The following STK32B variants were observed in gnomAD, a reference collection of about 807,000 sequenced individuals.
The protein encoded by STK32B is serine/threonine-protein kinase 32B.
A neutral mutation model predicts 52.6 loss-of-function variants in STK32B; 43 were observed. That is an observed-to-expected ratio of 0.82 (90% confidence interval 0.64 to 1.05). The LOEUF is 1.05. STK32B is among the 50% of genes least tolerant of loss of function. The pLI is 0.00. For missense variants in STK32B, 621 were observed against 534.6 expected, an observed-to-expected ratio of 1.16 and a Z score of -1.59; for synonymous variants, 238 against 204.3, an observed-to-expected ratio of 1.17 and a Z score of -1.41.
At chr4:5,111,547 A>C (rs1714406563) in intron 1 of STK32B, among the ~76,000 whole-genome samples, 1 of 152,148 alleles carries the variant, frequency 6.6e-6, no homozygotes, top group Non-Finnish European at 1.5e-5. Context: ...CTCACTTATA[A>C]GTGGGAGCTA....
At chr4:5,491,405 A>G (rs1195011284) in intron 11 of STK32B, among the ~76,000 whole-genome samples, 4 of 152,136 alleles carry the variant, frequency 2.6e-5, no homozygotes, top group South Asian at 2.1e-4. Flanking sequence ...CATGTCCTTC[A>G]CCCACTTTTT....
chr4:5,379,324 G>A (rs982771), intron 4 of STK32B, among the ~76,000 whole-genome samples: 54,333 of 151,876 alleles, frequency 0.36, 11,895 homozygotes, highest in African/African-American at 0.62. Flanking sequence ...ACACTCTCCA[G>A]CAGCCTTGTC....
chr4:5,130,171 C>CG (rs1491205357), intron 1 of STK32B, among the ~76,000 whole-genome samples: 4 of 149,738 alleles, frequency 2.7e-5, no homozygotes, highest in African/African-American at 7.6e-5. Flanking sequence ...CCTTCTCCGG[C>CG]GGGGGGAGGC....
At chr4:5,297,662 T>A (rs1729294142) in intron 3 of STK32B, among the ~76,000 whole-genome samples, 3 of 151,780 alleles carry the variant, frequency 2.0e-5, no homozygotes, top group Non-Finnish European at 2.9e-5. Flanking sequence ...TAACTGGTTA[T>A]TCTAGTTAGC....
intron 11 of STK32B, among the ~76,000 whole-genome samples, chr4:5,492,717 A>G (rs1719849629): frequency 6.6e-6 from 1 of 151,296 alleles, no homozygotes; most frequent in Non-Finnish European, 1.5e-5. Context: ...TGGGTTTGTC[A>G]TAGATAGCTC....
intron 3 of STK32B, among the ~76,000 whole-genome samples, chr4:5,265,196 T>C (rs1383726787): frequency 6.6e-6 from 1 of 152,228 alleles, no homozygotes; most frequent in Non-Finnish European, 1.5e-5. Flanking sequence ...TCTTTGGTCC[T>C]TCGTTAGAAT....
At chr4:5,363,766 C>G (rs1015948447) in intron 4 of STK32B, among the ~76,000 whole-genome samples, 6 of 151,904 alleles carry the variant, frequency 3.9e-5, no homozygotes, top group African/African-American at 1.5e-4. Context: ...GACACATGTC[C>G]TCTTACCTAT....
chr4:5,094,690 C>T (rs1423666552), intron 1 of STK32B, among the ~76,000 whole-genome samples: 1 of 152,074 alleles, frequency 6.6e-6, no homozygotes, highest in African/African-American at 2.4e-5. Flanking sequence ...TTATAACATA[C>T]AAAATATGTG....
rs570190240 is a variant in STK32B at position 5,399,038 on chromosome 4, A to G, written c.472+794A>G. On this transcript the variant is annotated intron_variant, in intron 5 of 11. Transcript: ENST00000282908. This position sits in a 1 kb window ranked among gnomAD's most constrained non-coding sequence, Gnocchi z 5.4. Reference sequence around the variant, plus strand: ...ATCCTGTGTCCTGTGTTGGGATGGAATGCCCACAAAGTTTAAGAACCATGA... The same window carrying G: ...ATCCTGTGTCCTGTGTTGGGATGGAGTGCCCACAAAGTTTAAGAACCATGA... 6.6e-6 allele frequency among the ~76,000 whole-genome samples: 1 copy of G among 151,528 alleles called. No individual in the cohort carries two copies. Among genetic ancestry groups the G allele is most frequent in the Admixed American group, 6.5e-5 (1 of 15,272 alleles).
intron 6 of STK32B, among the ~76,000 whole-genome samples, chr4:5,418,747 C>T (rs1712373077): frequency 6.6e-6 from 1 of 152,246 alleles, no homozygotes. Flanking sequence ...TCACTTAACT[C>T]TGGCCAGGTT....
At chr4:5,331,468 G>A in intron 4 of STK32B, 75 bp downstream of exon 4, 4 of 1,483,356 alleles carry the variant, frequency 2.7e-6, no homozygotes, top group Non-Finnish European at 3.6e-6. Context: ...CTGCAGTAGT[G>A]GGGAGAGAAT....
intron 3 of STK32B, among the ~76,000 whole-genome samples, chr4:5,212,560 C>A (rs1489694772): frequency 6.6e-6 from 1 of 152,246 alleles, no homozygotes; most frequent in African/African-American, 2.4e-5. Context: ...TCAAAGCAAA[C>A]TGGCACCTCG....
At chr4:5,483,408 G>C (rs1364625677) in intron 11 of STK32B, among the ~76,000 whole-genome samples, 1 of 152,088 alleles carries the variant, frequency 6.6e-6, no homozygotes, top group African/African-American at 2.4e-5. Flanking sequence ...ATGGTAGCTT[G>C]TATTTCTGTG....
intron 3 of STK32B, among the ~76,000 whole-genome samples, chr4:5,224,929 T>C (rs1723769690): frequency 1.3e-5 from 2 of 152,314 alleles, no homozygotes; most frequent in Non-Finnish European, 2.9e-5. Flanking sequence ...AATTGTTAGC[T>C]AATTTTTATT....
chr4:5,218,889 C>T (rs1723346701), intron 3 of STK32B, among the ~76,000 whole-genome samples: 1 of 152,192 alleles, frequency 6.6e-6, no homozygotes, highest in Admixed American at 6.5e-5. Context: ...CGCCTGCTCC[C>T]CTTTGACTGC....
In STK32B at chr4:5,241,435, G is replaced by A. The variant is rs182860427; in HGVS notation, c.260+72985G>A. Among the ~76,000 whole-genome samples, 199 of 152,218 alleles carry A rather than the reference G, an allele frequency of 1.3e-3. 2 individuals carry two copies. The highest frequency in any genetic ancestry group is 4.6e-3 in the African/African-American group (190 of 41,540). On this transcript the variant is annotated intron_variant, in intron 3 of 11. Coordinates refer to ENST00000282908, the MANE Select transcript of STK32B (RefSeq NM_018401.3). ...TTGTTGTTGGATCTGACCAGCACCT[G>A]GAGTGCAAACAACTGAGGGCAACTT...
chr4:5,481,744 C>T (rs2109199637), intron 11 of STK32B, among the ~76,000 whole-genome samples: 1 of 152,292 alleles, frequency 6.6e-6, no homozygotes, highest in South Asian at 2.1e-4. Context: ...TTTAATCCAT[C>T]TTGAATTAAT....
chr4:5,336,002 C>T (rs1348173793), intron 4 of STK32B, among the ~76,000 whole-genome samples: 2 of 151,202 alleles, frequency 1.3e-5, no homozygotes, highest in Admixed American at 6.6e-5. Context: ...GTGGTTGCCC[C>T]CTTCCTTACC....
chr4:5,424,171 C>A (rs1204631504), intron 6 of STK32B, among the ~76,000 whole-genome samples: 1 of 152,112 alleles, frequency 6.6e-6, no homozygotes, highest in African/African-American at 2.4e-5. Flanking sequence ...CTACCTTGGC[C>A]CCCTTTGGAC....
Sources: gnomAD v4.1 joint callset for allele counts (sites outside exome capture counted in the v4.1 genomes callset) on GRCh38, gnomAD v4.1.1 for gene constraint, Gnocchi (gnomAD v3.1) non-coding constraint, MANE v1.5 for transcripts, NCBI Gene and HGNC (gene_info 2026-07-23, HGNC 2026-07-21) for gene names.